Variants in SHISA9 observed in about 807,000 individuals in gnomAD.
SHISA9 encodes the protein protein shisa-9.
In SHISA9, 13 loss-of-function variants were observed where a neutral mutation model predicts 38.0. That is an observed-to-expected ratio of 0.34 (90% CI 0.22 to 0.54). SHISA9 has a LOEUF of 0.54. SHISA9 is among the 20% of genes least tolerant of loss of function. The pLI, the probability that SHISA9 is intolerant of heterozygous loss-of-function variation, is 0.91. For missense variants in SHISA9, 538 were observed against 575.8 expected, an observed-to-expected ratio of 0.93 and a Z score of 0.67; for synonymous variants, 275 against 242.0, an observed-to-expected ratio of 1.14 and a Z score of -1.27.
chr16:13,430,679 G>A, the SHISA9 span, among the ~76,000 whole-genome samples: 1 of 151,996 alleles, frequency 6.6e-6, no homozygotes, highest in East Asian at 1.9e-4. Context: ...TCTAAGGTAG[G>A]AGGATCACTT....
chr16:13,484,516 G>T, the SHISA9 span, among the ~76,000 whole-genome samples: 3 of 152,166 alleles, frequency 2.0e-5, no homozygotes, highest in African/African-American at 7.2e-5. Context: ...CATGCTTCCA[G>T]CCAGCCCTCA....
At chr16:13,469,385 G>A in the SHISA9 span, among the ~76,000 whole-genome samples, 3 of 91,328 alleles carry the variant, frequency 3.3e-5, no homozygotes, top group South Asian at 4.4e-4. Flanking sequence ...AAGAAAGAAA[G>A]AAAGAAAGAA....
intron 2 of SHISA9, among the ~76,000 whole-genome samples, chr16:13,097,373 C>G (rs2073838245): frequency 6.6e-6 from 1 of 151,886 alleles, no homozygotes; most frequent in African/African-American, 2.4e-5. Flanking sequence ...ATGGGATGAG[C>G]CATCACGCGG....
the SHISA9 span, among the ~76,000 whole-genome samples, chr16:13,429,911 C>T: frequency 1.3e-5 from 2 of 152,088 alleles, no homozygotes; most frequent in East Asian, 3.9e-4. Context: ...AAGTTCTAAC[C>T]CTTAGTATCT....
chr16:13,037,117 C>G lies in SHISA9; in HGVS notation c.691+120302C>G, dbSNP rs867233429. Among the ~76,000 whole-genome samples the G allele has an allele frequency of 8.5e-3, 1,027 of 121,148 alleles. 20 individuals carry two copies. The highest frequency in any genetic ancestry group is 0.036 in the African/African-American group (944 of 26,222). The allele number at this position is 121,148 out of a possible 152,430, so 79.5% of individuals were successfully genotyped here. ...ACACACACACACACACAGACACACA[C>G]ACACACACACACACACACACACACA... On this transcript the variant is annotated intron_variant, in intron 2 of 4. Coordinates refer to ENST00000558583, the MANE Select transcript of SHISA9 (RefSeq NM_001145204.3).
intron 2 of SHISA9, among the ~76,000 whole-genome samples, chr16:13,015,890 C>CTTTCTTTCTTTCTTTCTTTCTCTTTCTT (rs1555454828): frequency 8.5e-6 from 1 of 117,034 alleles, no homozygotes; most frequent in Non-Finnish European, 1.8e-5. Context: ...TTCTTTCTTT[C>CTTTCTTTCTTTCTTTCTTTCTCTTTCTT]TTTCTTTCTT....
At chr16:13,083,161 G>A (rs2073672228) in intron 2 of SHISA9, among the ~76,000 whole-genome samples, 1 of 152,224 alleles carries the variant, frequency 6.6e-6, no homozygotes. Context: ...AACTTGAGGA[G>A]AAGCAGACAC....
At chr16:13,108,571 G>C (rs1020709338) in intron 2 of SHISA9, among the ~76,000 whole-genome samples, 1 of 152,050 alleles carries the variant, frequency 6.6e-6, no homozygotes. Context: ...GGCCCAAAGA[G>C]AGCATCTTTG....
the SHISA9 span, among the ~76,000 whole-genome samples, chr16:13,287,715 G>A: frequency 6.6e-6 from 1 of 152,068 alleles, no homozygotes; most frequent in African/African-American, 2.4e-5. Flanking sequence ...AGCATAGACT[G>A]GATCACAAAA....
chr16:13,351,204 C>G, the SHISA9 span, among the ~76,000 whole-genome samples: 1 of 152,108 alleles, frequency 6.6e-6, no homozygotes, highest in Admixed American at 6.5e-5. Flanking sequence ...ACATCAAAGC[C>G]CAGTCTCCTA....
the SHISA9 span, among the ~76,000 whole-genome samples, chr16:13,248,317 C>T: frequency 2.0e-5 from 3 of 152,124 alleles, no homozygotes; most frequent in South Asian, 2.1e-4. Context: ...GCCATGGTGC[C>T]GGGCCTTGAG....
At chr16:13,215,152 G>T (rs7195597) in intron 4 of SHISA9, among the ~76,000 whole-genome samples, 29,337 of 151,906 alleles carry the variant, frequency 0.19, 3,084 homozygotes, top group Middle Eastern at 0.24. Flanking sequence ...GAGTGAGGAG[G>T]GGGAGGGATC....
chr16:13,360,009 C>G, the SHISA9 span, among the ~76,000 whole-genome samples: 3 of 152,140 alleles, frequency 2.0e-5, no homozygotes, highest in African/African-American at 7.2e-5. Flanking sequence ...GGAAAGCCGT[C>G]CACCTGAGTT....
the SHISA9 span, among the ~76,000 whole-genome samples, chr16:13,528,200 G>C: frequency 6.6e-6 from 1 of 152,036 alleles, no homozygotes; most frequent in East Asian, 1.9e-4. Flanking sequence ...TCATAGACCC[G>C]AGCATGAATG....
At chr16:13,383,714 G>T in the SHISA9 span, among the ~76,000 whole-genome samples, 3 of 152,096 alleles carry the variant, frequency 2.0e-5, no homozygotes, top group Admixed American at 2.0e-4. Context: ...GCAGTGGCAT[G>T]ATCTCAGCTC....
chr16:13,269,576 A>C, the SHISA9 span, among the ~76,000 whole-genome samples: 29 of 152,296 alleles, frequency 1.9e-4, no homozygotes, highest in Non-Finnish European at 3.7e-4. Flanking sequence ...AGCTTGGAAA[A>C]GCCACTTCCC....
At chr16:13,035,359 G>T (rs2073042465) in intron 2 of SHISA9, among the ~76,000 whole-genome samples, 1 of 152,100 alleles carries the variant, frequency 6.6e-6, no homozygotes, top group Non-Finnish European at 1.5e-5. Context: ...AGAAAACATG[G>T]CAGGTCTTTT....
At chr16:12,939,779 A>G (rs774433483) in intron 2 of SHISA9, among the ~76,000 whole-genome samples, 63 of 152,228 alleles carry the variant, frequency 4.1e-4, no homozygotes, top group Non-Finnish European at 7.8e-4. Flanking sequence ...CATCTGGCAT[A>G]TACCTGCTGT....
chr16:13,392,105 G>T, the SHISA9 span, among the ~76,000 whole-genome samples: 2 of 152,126 alleles, frequency 1.3e-5, no homozygotes, highest in Admixed American at 6.5e-5. Context: ...GGGAGGAAAG[G>T]TATCTTCACC....
Sources: allele counts gnomAD v4.1 joint callset (sites outside exome capture counted in the v4.1 genomes callset), GRCh38; gene constraint gnomAD v4.1.1; transcripts MANE v1.5; gene names NCBI Gene and HGNC (gene_info 2026-07-23, HGNC 2026-07-21).